CSGALNACT1: variants seen among roughly 807,000 people sequenced by gnomAD.
CSGALNACT1 encodes chondroitin sulfate N-acetylgalactosaminyltransferase 1.
CSGALNACT1 carries 52 observed loss-of-function variants against 51.0 expected under a neutral mutation model. The ratio of observed to expected loss-of-function variants is 1.02; its 90% CI spans 0.82 to 1.29. CSGALNACT1 has a LOEUF of 1.29. Among genes scored for constraint, CSGALNACT1 ranks in the 50% most tolerant of loss-of-function variants. The probability of loss-of-function intolerance (pLI) is 0.00; values close to 1 mark genes in which losing one functional copy is unlikely to be tolerated. For missense variants in CSGALNACT1, 935 were observed against 679.2 expected, an observed-to-expected ratio of 1.38 and a Z score of -4.19; for synonymous variants, 341 against 254.4, an observed-to-expected ratio of 1.34 and a Z score of -3.24.
intron 3 of CSGALNACT1, among the ~76,000 whole-genome samples, chr8:19,572,124 A>T (rs150613809): frequency 6.6e-6 from 1 of 152,230 alleles, no homozygotes; most frequent in Non-Finnish European, 1.5e-5. Flanking sequence ...GGCAACAACA[A>T]CAAAAATATT....
At chr8:19,504,732 A>C (rs1396895757) in intron 4 of CSGALNACT1, among the ~76,000 whole-genome samples, 2 of 152,198 alleles carry the variant, frequency 1.3e-5, no homozygotes, top group African/African-American at 4.8e-5. Flanking sequence ...TTAGCTATTT[A>C]ATTAATTAAA....
intron 7 of CSGALNACT1, among the ~76,000 whole-genome samples, chr8:19,419,738 G>C (rs1022202900): frequency 2.0e-5 from 3 of 152,204 alleles, no homozygotes; most frequent in African/African-American, 7.2e-5. Context: ...GCAGACGGAA[G>C]AGGGGTTATG....
At chr8:19,435,748 T>A (rs1369917299) in intron 6 of CSGALNACT1, among the ~76,000 whole-genome samples, 1 of 152,196 alleles carries the variant, frequency 6.6e-6, no homozygotes, top group African/African-American at 2.4e-5. Flanking sequence ...TGAGATTAAC[T>A]GAAGCTTGGA....
Position 19,420,828 on chromosome 8 carries a change from TA to T in CSGALNACT1, c.954-311del, listed in dbSNP as rs147280841. 4.1e-3 allele frequency among the ~76,000 whole-genome samples: 620 copies of T among 152,320 alleles called. 3 individuals carry two copies. Among genetic ancestry groups the T allele is most frequent in the African/African-American group, 0.014 (583 of 41,576 alleles). On this transcript the variant is annotated intron_variant, in intron 6 of 9. Transcript: ENST00000454498. Reference sequence around the variant, plus strand: ...TGTGATGGAGAAAACTTGAACCAGGTAAGACTAGAAACACAACCCTGGAAAA... The same window carrying T: ...TGTGATGGAGAAAACTTGAACCAGGTAGACTAGAAACACAACCCTGGAAAA...
upstream of CSGALNACT1, among the ~76,000 whole-genome samples, chr8:19,603,166 G>A (rs559600674): frequency 6.7e-6 from 1 of 149,992 alleles, no homozygotes; most frequent in East Asian, 2.0e-4. Flanking sequence ...AACAGGCCCA[G>A]AAAGCGCCAA....
At chr8:19,646,914 C>A (rs1358765380) in intron 1 of CSGALNACT1, among the ~76,000 whole-genome samples, 1 of 152,130 alleles carries the variant, frequency 6.6e-6, no homozygotes, top group Non-Finnish European at 1.5e-5. Context: ...GGAGAAATAA[C>A]AACAATCCTG....
At chr8:19,748,934 C>T (rs1003285624) in intron 1 of CSGALNACT1, among the ~76,000 whole-genome samples, 4 of 150,566 alleles carry the variant, frequency 2.7e-5, no homozygotes, top group African/African-American at 9.8e-5. Context: ...CACCACACTC[C>T]AACCTGGGTG....
chr8:19,698,656 A>C (rs377038075), intron 1 of CSGALNACT1, among the ~76,000 whole-genome samples: 2 of 152,144 alleles, frequency 1.3e-5, no homozygotes, highest in South Asian at 2.1e-4. Context: ...CTATTTTTTT[A>C]AGATCAGAAA....
chr8:19,492,226 C>G (rs562143623), intron 4 of CSGALNACT1, among the ~76,000 whole-genome samples: 114 of 152,332 alleles, frequency 7.5e-4, no homozygotes, highest in African/African-American at 2.7e-3. Context: ...CAACAGCACA[C>G]AGCCCTCACA....
chr8:19,531,135 T>C (rs983204011), intron 3 of CSGALNACT1, among the ~76,000 whole-genome samples: 1 of 152,234 alleles, frequency 6.6e-6, no homozygotes, highest in African/African-American at 2.4e-5. Flanking sequence ...TCCAGGGAGC[T>C]TGAAACTCTT....
chr8:19,677,419 A>G (rs2060276607), intron 1 of CSGALNACT1, among the ~76,000 whole-genome samples: 1 of 152,128 alleles, frequency 6.6e-6, no homozygotes, highest in African/African-American at 2.4e-5. Context: ...CCGCGAGTAC[A>G]TTTTGTAAGA....
At position 19,575,810 on chromosome 8, in the gene CSGALNACT1, G is replaced by C. The variant is rs1352643512; in HGVS notation, c.-297+15350C>G. ...CAAGAAACAAAATAAAAGTTGCGGA[G>C]GCTTAGATGAAGTAAGATTGGAAAA... On this transcript the variant is annotated intron_variant, in intron 3 of 9. Transcript: ENST00000454498. 2.0e-5 allele frequency among the ~76,000 whole-genome samples: 3 copies of C among 152,016 alleles called. No individual in the cohort carries two copies. In the South Asian group the frequency reaches 6.2e-4, roughly 31 times the overall value.
chr8:19,565,590 G>A (rs1362943189), intron 3 of CSGALNACT1, among the ~76,000 whole-genome samples: 1 of 152,186 alleles, frequency 6.6e-6, no homozygotes, highest in Non-Finnish European at 1.5e-5. Context: ...TTCATTGGTT[G>A]TACTACTGAA....
chr8:19,544,700 C>G (rs907381179), intron 3 of CSGALNACT1, among the ~76,000 whole-genome samples: 1 of 152,164 alleles, frequency 6.6e-6, no homozygotes, highest in African/African-American at 2.4e-5. Context: ...CTTAGCTATG[C>G]TAAATTCCAG....
At chr8:19,550,557 G>C (rs1336650883) in intron 3 of CSGALNACT1, among the ~76,000 whole-genome samples, 1 of 151,822 alleles carries the variant, frequency 6.6e-6, no homozygotes, top group Non-Finnish European at 1.5e-5. Context: ...TATTTCCTCT[G>C]AGACGTCTTT....
At chr8:19,754,659 T>A (rs1246453269) in intron 1 of CSGALNACT1, among the ~76,000 whole-genome samples, 1 of 152,276 alleles carries the variant, frequency 6.6e-6, no homozygotes, top group African/African-American at 2.4e-5. Flanking sequence ...CTTTAATTTA[T>A]TTTTAGGCCT....
chr8:19,526,997 A>C (rs911228569), intron 3 of CSGALNACT1, among the ~76,000 whole-genome samples: 5 of 152,172 alleles, frequency 3.3e-5, no homozygotes, highest in South Asian at 4.1e-4. Context: ...TATCTATATG[A>C]CTCACTACAT....
intron 3 of CSGALNACT1, among the ~76,000 whole-genome samples, chr8:19,552,178 G>T (rs1467527053): frequency 6.6e-6 from 1 of 152,102 alleles, no homozygotes; most frequent in Admixed American, 6.6e-5. Flanking sequence ...ACTAATGAGG[G>T]ATTTAATAAT....
At chr8:19,662,898 C>T (rs1352521540) in intron 1 of CSGALNACT1, among the ~76,000 whole-genome samples, 2 of 152,164 alleles carry the variant, frequency 1.3e-5, no homozygotes, top group Non-Finnish European at 2.9e-5. Flanking sequence ...AGCCTTCAAC[C>T]ACTCCCATGA....
Sources: allele counts gnomAD v4.1 joint callset (sites outside exome capture counted in the v4.1 genomes callset), GRCh38; gene constraint gnomAD v4.1.1; transcripts MANE v1.5; gene names NCBI Gene and HGNC (gene_info 2026-07-23, HGNC 2026-07-21).